Variants in TOX observed in about 807,000 individuals in gnomAD.
The protein encoded by TOX is thymocyte selection associated high mobility group box.
In TOX, 11 loss-of-function variants were observed where a neutral mutation model predicts 53.7. The ratio of observed to expected loss-of-function variants is 0.20; its 90% confidence interval spans 0.13 to 0.34. The LOEUF (loss-of-function observed/expected upper bound fraction) is 0.34. Ranked by LOEUF, TOX falls within the 10% of genes least tolerant of loss-of-function variation. The probability of loss-of-function intolerance (pLI) is 1.00; values close to 1 mark genes in which losing one functional copy is unlikely to be tolerated. For missense variants in TOX, 570 were observed against 664.6 expected, an observed-to-expected ratio of 0.86 and a Z score of 1.56; for synonymous variants, 225 against 245.3, an observed-to-expected ratio of 0.92 and a Z score of 0.77.
At chr8:59,040,277 C>G (rs1407352070) in intron 1 of TOX, among the ~76,000 whole-genome samples, 1 of 138,078 alleles carries the variant, frequency 7.2e-6, no homozygotes, top group East Asian at 2.1e-4. Flanking sequence ...TGCAGTGAGC[C>G]GAGATCCCGC....
intron 1 of TOX, among the ~76,000 whole-genome samples, chr8:58,971,781 C>A (rs918610653): frequency 1.3e-5 from 2 of 152,120 alleles, no homozygotes; most frequent in African/African-American, 4.8e-5. Flanking sequence ...CTCCGCCTTC[C>A]GGGGGTTCAA....
At chr8:58,839,861 A>T (rs1810614801) in intron 4 of TOX, among the ~76,000 whole-genome samples, 1 of 152,188 alleles carries the variant, frequency 6.6e-6, no homozygotes, top group African/African-American at 2.4e-5. Flanking sequence ...AGGTCTGTGG[A>T]TATGATTTCA....
In TOX at chr8:58,998,579, A is replaced by AC. The variant is rs575113896; in HGVS notation, c.103-38572_103-38571insG. 3.6e-3 allele frequency among the ~76,000 whole-genome samples: 511 copies of AC among 143,532 alleles called. 5 individuals are homozygous for AC. The highest frequency in any genetic ancestry group is 0.013 in the African/African-American group (487 of 38,512). The allele number at this position is 143,532 out of a possible 152,430, so 94.2% of individuals were successfully genotyped here. ...AAATTTATGTAATAAATGTATATATAATAAATTTATATGTAATAAATTTAT... is the reference window on the plus strand; with the variant it reads ...AAATTTATGTAATAAATGTATATATACATAAATTTATATGTAATAAATTTAT... On this transcript the variant is annotated intron_variant, in intron 1 of 8. Coordinates refer to ENST00000361421, the MANE Select transcript of TOX (RefSeq NM_014729.3).
intron 5 of TOX, among the ~76,000 whole-genome samples, chr8:58,827,280 A>C (rs1045198792): frequency 6.6e-6 from 1 of 152,234 alleles, no homozygotes; most frequent in Non-Finnish European, 1.5e-5. Flanking sequence ...ACTCCACAGC[A>C]CATTCACATC....
rs562994518 is a variant in TOX, at chr8:58,989,124, G to A, written c.103-29116C>T. 2.0e-3 allele frequency among the ~76,000 whole-genome samples: 301 copies of A among 152,224 alleles called. 4 individuals carry two copies. The South Asian group carries it at 0.029, about 15-fold the overall frequency. On this transcript the variant is annotated intron_variant, in intron 1 of 8. Transcript: ENST00000361421. ...GAGGTCAGGAGTTCGAAACCAGCCT[G>A]GCGAACATGGCAAAACTCTGTCTTC...
chr8:58,990,211 C>A (rs1435298905), intron 1 of TOX, among the ~76,000 whole-genome samples: 1 of 152,128 alleles, frequency 6.6e-6, no homozygotes, highest in Non-Finnish European at 1.5e-5. Context: ...GGCCTGTGAT[C>A]ACACAGATAG....
At chr8:58,879,649 A>T (rs1811349358) in intron 3 of TOX, among the ~76,000 whole-genome samples, 1 of 152,206 alleles carries the variant, frequency 6.6e-6, no homozygotes, top group African/African-American at 2.4e-5. Flanking sequence ...TCCTTTGGGG[A>T]ATGCCACAGT....
At chr8:58,816,560 C>T (rs576025753) in intron 6 of TOX, among the ~76,000 whole-genome samples, 2 of 152,222 alleles carry the variant, frequency 1.3e-5, no homozygotes, top group South Asian at 4.2e-4. Flanking sequence ...TCCTACATTT[C>T]CTGAGAGGAA....
At chr8:58,957,426 A>G (rs1812729084) in intron 2 of TOX, among the ~76,000 whole-genome samples, 1 of 152,208 alleles carries the variant, frequency 6.6e-6, no homozygotes, top group Admixed American at 6.5e-5. Context: ...ACAAAACTAT[A>G]TGCAAAAAAT....
In TOX at chr8:59,117,756, TGTGA is replaced by T. The variant is rs112736810; in HGVS notation, c.102+1126_102+1129del. Among the ~76,000 whole-genome samples, 110 of 152,370 alleles carry T rather than the reference TGTGA, an allele frequency of 7.2e-4. No individual in the cohort carries two copies. The highest frequency in any genetic ancestry group is 3.4e-3 in the Middle Eastern group (1 of 294). On this transcript the variant is annotated intron_variant, in intron 1 of 8. Coordinates refer to ENST00000361421, the MANE Select transcript of TOX (RefSeq NM_014729.3). The surrounding 1 kb of genome is among the most constrained non-coding windows in gnomAD (Gnocchi z 4.6). ...TCGCCATGGATGTGCCTGCAGGGGC[TGTGA>T]GTATCAGGCAGATTTATCACCAAGC...
chr8:59,055,388 C>T (rs1803872482), intron 1 of TOX, among the ~76,000 whole-genome samples: 2 of 152,132 alleles, frequency 1.3e-5, no homozygotes, highest in South Asian at 4.1e-4. Flanking sequence ...AGAACAAGGG[C>T]CCACATGAAT....
intron 1 of TOX, among the ~76,000 whole-genome samples, chr8:59,078,667 C>T (rs1453106499): frequency 1.3e-5 from 2 of 152,180 alleles, no homozygotes; most frequent in Non-Finnish European, 2.9e-5. Flanking sequence ...AATGCAAGAA[C>T]AGCCTAACAC....
intron 5 of TOX, among the ~76,000 whole-genome samples, chr8:58,834,643 C>T (rs1402060175): frequency 6.6e-6 from 1 of 152,230 alleles, no homozygotes; most frequent in Admixed American, 6.5e-5. Context: ...CAGGCAGGCA[C>T]GTTTGCTCTG....
intron 3 of TOX, among the ~76,000 whole-genome samples, chr8:58,865,795 A>G (rs1811087393): frequency 7.0e-6 from 1 of 142,276 alleles, no homozygotes; most frequent in African/African-American, 2.6e-5. Flanking sequence ...TCATTTCACT[A>G]TCTTTTTTCT....
Position 58,948,351 on chromosome 8 carries a change from A to G in TOX, c.169-8807T>C, listed in dbSNP as rs4360283. Reference sequence around the variant, plus strand: ...TTTCTCCCGCCATAATTCATTAATGATACCAGAATGGGGAAGGGATTTGTC... The same window carrying G: ...TTTCTCCCGCCATAATTCATTAATGGTACCAGAATGGGGAAGGGATTTGTC... On this transcript the variant is annotated intron_variant, in intron 2 of 8. Transcript: ENST00000361421. Among the ~76,000 whole-genome samples, 124 of 152,324 alleles carry G rather than the reference A, an allele frequency of 8.1e-4. 6 individuals are homozygous for G. In the East Asian group the frequency reaches 0.023, roughly 28 times the overall value.
intron 1 of TOX, among the ~76,000 whole-genome samples, chr8:58,974,966 G>C (rs17241003): frequency 0.087 from 13,121 of 151,630 alleles, 730 homozygotes; most frequent in Admixed American, 0.17. Flanking sequence ...TGTAAAAAGG[G>C]TAATTCTTCA....
intron 1 of TOX, among the ~76,000 whole-genome samples, chr8:58,996,430 C>T (rs375534541): frequency 6.6e-6 from 1 of 152,202 alleles, no homozygotes; most frequent in African/African-American, 2.4e-5. Context: ...GATTAGATTA[C>T]AATCAATTGC....
At chr8:59,085,979 C>CTTTTTTTTTTT (rs35593177) in intron 1 of TOX, among the ~76,000 whole-genome samples, 42 of 88,818 alleles carry the variant, frequency 4.7e-4, no homozygotes, top group Non-Finnish European at 7.6e-4. Flanking sequence ...CTTTTCTTTT[C>CTTTTTTTTTTT]TTTTTTTTTT....
intron 1 of TOX, among the ~76,000 whole-genome samples, chr8:58,990,147 A>G (rs1461594358): frequency 6.6e-6 from 1 of 152,222 alleles, no homozygotes; most frequent in African/African-American, 2.4e-5. Context: ...GGTGGGTATT[A>G]TCAATCACCA....
Sources: gnomAD v4.1 joint callset for allele counts (sites outside exome capture counted in the v4.1 genomes callset) on GRCh38, gnomAD v4.1.1 for gene constraint, Gnocchi (gnomAD v3.1) non-coding constraint, MANE v1.5 for transcripts, NCBI Gene and HGNC (gene_info 2026-07-23, HGNC 2026-07-21) for gene names.